The following PRKAR1B variants were observed in gnomAD, a reference collection of about 807,000 sequenced individuals.
The protein encoded by PRKAR1B is protein kinase cAMP-dependent type I regulatory subunit beta, also known as cAMP-dependent protein kinase type I-beta regulatory subunit.
In PRKAR1B, 22 loss-of-function variants were observed where a neutral mutation model predicts 46.5. That is an observed-to-expected ratio of 0.47 (90% CI 0.34 to 0.68). The LOEUF is 0.68. Among genes scored for constraint, PRKAR1B ranks in the 30% least tolerant of loss-of-function variants. The pLI, the probability that PRKAR1B is intolerant of heterozygous loss-of-function variation, is 0.01. For synonymous variants in PRKAR1B, 259 were observed against 217.7 expected (o/e 1.19, Z -1.67); for missense variants, 445 against 535.6 (o/e 0.83, Z 1.67).
At chr7:724,672 G>A (rs1781186582) in intron 1 of PRKAR1B, among the ~76,000 whole-genome samples, 1 of 152,198 alleles carries the variant, frequency 6.6e-6, no homozygotes, top group South Asian at 2.1e-4. Flanking sequence ...AGCCTTAAAA[G>A]TCTAGTTCAA....
chr7:572,355 G>T (rs1331725793), intron 9 of PRKAR1B, among the ~76,000 whole-genome samples: 1 of 152,188 alleles, frequency 6.6e-6, no homozygotes, highest in Non-Finnish European at 1.5e-5. Flanking sequence ...GAGACAGCGG[G>T]CGTGACCCCG....
At chr7:563,727 T>A (rs1340347945) in intron 9 of PRKAR1B, among the ~76,000 whole-genome samples, 1 of 151,858 alleles carries the variant, frequency 6.6e-6, no homozygotes, top group Non-Finnish European at 1.5e-5. Context: ...TGTGCATGGG[T>A]CTGCTTGGAG....
At chr7:681,343 A>G (rs1778675747) in intron 2 of PRKAR1B, among the ~76,000 whole-genome samples, 1 of 151,552 alleles carries the variant, frequency 6.6e-6, no homozygotes, top group African/African-American at 2.4e-5. Flanking sequence ...AAAAAAAAGA[A>G]TTAGCTGTAA....
chr7:667,456 C>T lies in PRKAR1B; in HGVS notation c.440+9773G>A, dbSNP rs1167560519. Among the ~76,000 whole-genome samples, 2 of 152,172 alleles carry T rather than the reference C, an allele frequency of 1.3e-5. No individual in the cohort carries two copies. Among genetic ancestry groups the T allele is most frequent in the East Asian group, 3.8e-4 (2 of 5,204 alleles). On this transcript the variant is annotated intron_variant, in intron 4 of 10. Coordinates refer to ENST00000537384, the MANE Select transcript of PRKAR1B (RefSeq NM_001164760.2). The surrounding 1 kb of genome is among the most constrained non-coding windows in gnomAD (Gnocchi z 4.3). ...TCTGAGTGAGATTGTGTGTGCATGA[C>T]TGTGTGCATAGGCGTGCCTGGGAAT...
chr7:619,657 C>T (rs141385934), intron 4 of PRKAR1B, among the ~76,000 whole-genome samples: 1,534 of 152,376 alleles, frequency 0.01, 22 homozygotes, highest in Non-Finnish European at 0.012. Context: ...TCTCAGCTCT[C>T]GGCCCCACGC....
chr7:597,818 G>A (rs191828916), intron 6 of PRKAR1B, among the ~76,000 whole-genome samples: 2 of 152,360 alleles, frequency 1.3e-5, no homozygotes, highest in East Asian at 1.9e-4. Flanking sequence ...CTGGCCTTCC[G>A]CCTCGCAGTG....
At chr7:720,711 C>G (rs1489605231) in intron 1 of PRKAR1B, among the ~76,000 whole-genome samples, 1 of 152,184 alleles carries the variant, frequency 6.6e-6, no homozygotes, top group Non-Finnish European at 1.5e-5. Context: ...CCAGTGGGTT[C>G]TTTTATCATT....
chr7:569,988 T>C (rs977242536), intron 9 of PRKAR1B, among the ~76,000 whole-genome samples: 1 of 152,230 alleles, frequency 6.6e-6, no homozygotes, highest in African/African-American at 2.4e-5. Context: ...TTTCTTCCAG[T>C]CCAGCCCAGA....
At chr7:558,548 T>C (rs1371471092) in intron 9 of PRKAR1B, among the ~76,000 whole-genome samples, 1 of 151,532 alleles carries the variant, frequency 6.6e-6, no homozygotes, top group African/African-American at 2.4e-5. Flanking sequence ...CTGAGGTCAG[T>C]AGTTCGAGGC....
intron 9 of PRKAR1B, among the ~76,000 whole-genome samples, chr7:577,369 G>A (rs983475527): frequency 4.6e-5 from 7 of 152,152 alleles, no homozygotes; most frequent in African/African-American, 9.7e-5. Context: ...CTTAAACTCC[G>A]CCACCCTGAC....
chr7:551,596 A>T (rs947615442), intron 9 of PRKAR1B, 126 bp from the exon 10 acceptor site: 1 of 904,908 alleles, frequency 1.1e-6, no homozygotes, highest in Non-Finnish European at 1.7e-6. Flanking sequence ...CTTCTCCCAG[A>T]GCCACTGCCG....
At chr7:561,222 A>G (rs1339962753) in intron 9 of PRKAR1B, among the ~76,000 whole-genome samples, 2 of 150,982 alleles carry the variant, frequency 1.3e-5, no homozygotes, top group African/African-American at 4.9e-5. Flanking sequence ...ACACAGGCAC[A>G]CAAACCTGTG....
intron 4 of PRKAR1B, among the ~76,000 whole-genome samples, chr7:621,352 G>A (rs1783099809): frequency 6.6e-6 from 1 of 152,158 alleles, no homozygotes; most frequent in Non-Finnish European, 1.5e-5. Context: ...AATGTTGATG[G>A]TATTTTCAAA....
intron 9 of PRKAR1B, 39 bp from the exon 10 acceptor site, chr7:551,509 CG>C (rs1784194554): frequency 6.5e-7 from 1 of 1,541,172 alleles, no homozygotes; most frequent in African/African-American, 1.4e-5. Context: ...GCCAGCCAGG[CG>C]GGTGCAGGGT....
intron 9 of PRKAR1B, among the ~76,000 whole-genome samples, chr7:556,487 C>T (rs1163625084): frequency 2.6e-5 from 4 of 152,310 alleles, no homozygotes; most frequent in Non-Finnish European, 4.4e-5. Context: ...GGTAAAACAC[C>T]GTCAATAACG....
intron 8 of PRKAR1B, among the ~76,000 whole-genome samples, chr7:583,822 G>A (rs1012727756): frequency 2.0e-5 from 3 of 149,954 alleles, no homozygotes; most frequent in Non-Finnish European, 3.0e-5. Context: ...GCACACACAC[G>A]CACACACACC....
At chr7:584,262 CGTT>C (rs1254895365) in intron 8 of PRKAR1B, among the ~76,000 whole-genome samples, 1 of 152,212 alleles carries the variant, frequency 6.6e-6, no homozygotes, top group African/African-American at 2.4e-5. Context: ...ATGGCAGAGA[CGTT>C]GAGAAGCAGG....
intron 4 of PRKAR1B, among the ~76,000 whole-genome samples, chr7:673,118 C>G (rs1418797943): frequency 1.4e-5 from 2 of 142,538 alleles, no homozygotes; most frequent in Admixed American, 7.1e-5. Flanking sequence ...GTGTGGCCAG[C>G]AGCTGTGGAC....
At chr7:687,009 G>A (rs992934714) in intron 2 of PRKAR1B, among the ~76,000 whole-genome samples, 3 of 152,206 alleles carry the variant, frequency 2.0e-5, no homozygotes, top group Non-Finnish European at 4.4e-5. Context: ...CAGCCTCCCT[G>A]GGACTGAATC....
Sources: gnomAD v4.1 joint callset for allele counts (sites outside exome capture counted in the v4.1 genomes callset) on GRCh38, gnomAD v4.1.1 for gene constraint, Gnocchi (gnomAD v3.1) non-coding constraint, MANE v1.5 for transcripts, NCBI Gene and HGNC (gene_info 2026-07-23, HGNC 2026-07-21) for gene names.